Variants in SPAM1 observed in about 807,000 individuals in gnomAD.
The protein encoded by SPAM1 is hyaluronidase PH-20.
A neutral mutation model predicts 29.6 loss-of-function variants in SPAM1; 22 were observed. That is an observed-to-expected ratio of 0.74 (90% CI 0.53 to 1.06). The LOEUF (loss-of-function observed/expected upper bound fraction) is 1.06, where lower values mean the gene tolerates loss of function less well. SPAM1 is among the 50% of genes least tolerant of loss of function. The probability of loss-of-function intolerance (pLI) is 0.00; values close to 1 mark genes in which losing one functional copy is unlikely to be tolerated. For missense variants in SPAM1, 534 were observed against 604.0 expected, an observed-to-expected ratio of 0.88 and a Z score of 1.21; for synonymous variants, 194 against 204.6, an observed-to-expected ratio of 0.95 and a Z score of 0.44.
chr7:123,945,791 C>T (rs1282797184), intron 1 of SPAM1, among the ~76,000 whole-genome samples: 1 of 151,946 alleles, frequency 6.6e-6, no homozygotes, highest in Non-Finnish European at 1.5e-5. Flanking sequence ...ACACAGAAAC[C>T]AAGCCCCTGT....
chr7:123,956,174 T>G (rs919606355), intron 4 of SPAM1, among the ~76,000 whole-genome samples: 1 of 152,016 alleles, frequency 6.6e-6, no homozygotes, highest in Admixed American at 6.6e-5. Flanking sequence ...TCTACTACTA[T>G]GTCTCTCAAA....
rs76376107 is a variant in SPAM1 at position 123,925,789 on chromosome 7, A to G, written c.-319+437A>G. 66 of 151,904 alleles carry G rather than the reference A, an allele frequency of 4.3e-4. 2 individuals carry two copies. The East Asian group carries it at 0.012, about 29-fold the overall frequency. 9.4% of individuals were successfully genotyped at this position (151,904 alleles called of 1,614,324 possible). A position where few individuals can be genotyped will look rare whatever the true frequency, so the allele number is the denominator to read the frequency against. On this transcript the variant is annotated intron_variant, in intron 1 of 4. Transcript: ENST00000682466. ...AGGGATTGGTTAATAAGACCTGTGT[A>G]TAGGTGGTCTGCTACTGTGTTGCGA...
At chr7:123,934,527 G>A (rs1808193028) in intron 1 of SPAM1, among the ~76,000 whole-genome samples, 1 of 152,124 alleles carries the variant, frequency 6.6e-6, no homozygotes. Context: ...GTGTTAAAGA[G>A]ATATCTGCAC....
intron 1 of SPAM1, among the ~76,000 whole-genome samples, chr7:123,943,906 C>A (rs1808498865): frequency 6.6e-6 from 1 of 152,058 alleles, no homozygotes; most frequent in Non-Finnish European, 1.5e-5. Flanking sequence ...TCTCTCAAAT[C>A]TTATAAACTG....
chr7:123,939,695 T>G (rs1471160478), intron 1 of SPAM1, among the ~76,000 whole-genome samples: 1 of 152,222 alleles, frequency 6.6e-6, no homozygotes. Flanking sequence ...GCATTATTTT[T>G]GTCTAAGTTT....
chr7:123,962,852 A>G (rs548496690), downstream of SPAM1, among the ~76,000 whole-genome samples: 27 of 151,986 alleles, frequency 1.8e-4, no homozygotes, highest in East Asian at 4.9e-3. Flanking sequence ...ATGTGTGTGT[A>G]TATATACACA....
chr7:123,964,026 C>G (rs1473003433), downstream of SPAM1, among the ~76,000 whole-genome samples: 1 of 149,372 alleles, frequency 6.7e-6, no homozygotes, highest in Admixed American at 6.6e-5. Flanking sequence ...ATAAAATTGA[C>G]TTAATATTTT....
At chr7:123,950,939 G>A (rs6980098) in intron 2 of SPAM1, among the ~76,000 whole-genome samples, 91,201 of 151,862 alleles carry the variant, frequency 0.6, 28,084 homozygotes, top group African/African-American at 0.73. Context: ...TGACTTTTTA[G>A]TAATAGCCAT....
chr7:123,953,521 C>G lies in SPAM1; in HGVS notation c.-50C>G. On this transcript the variant is annotated 5_prime_UTR_variant, in exon 3 of 5. Transcript: ENST00000682466. ...TACTTTGCATCAGATATTGGGTAAACCAAAGTGTGTAGGAAGAAATAAATG... is the reference window on the plus strand; with the variant it reads ...TACTTTGCATCAGATATTGGGTAAAGCAAAGTGTGTAGGAAGAAATAAATG... 1 of 1,271,988 alleles carries G rather than the reference C, an allele frequency of 7.9e-7. No individual in the cohort carries two copies. The highest frequency in any genetic ancestry group is 1.1e-6 in the Non-Finnish European group (1 of 918,392). The allele number at this position is 1,271,988 out of a possible 1,614,324, so 78.8% of individuals were successfully genotyped here.
downstream of SPAM1, among the ~76,000 whole-genome samples, chr7:123,961,836 G>A (rs2117074960): frequency 6.6e-6 from 1 of 152,092 alleles, no homozygotes; most frequent in Non-Finnish European, 1.5e-5. Context: ...AAAGGCGAAA[G>A]CCACTTCTTA....
intron 2 of SPAM1, among the ~76,000 whole-genome samples, chr7:123,951,343 TAGTC>T (rs766229845): frequency 6.6e-6 from 1 of 152,032 alleles, no homozygotes; most frequent in South Asian, 2.1e-4. Context: ...TCTAATAACT[TAGTC>T]TGTCTAGGCA....
intron 5 of SPAM1, among the ~76,000 whole-genome samples, chr7:123,965,902 A>G (rs1792418506): frequency 6.6e-6 from 1 of 151,960 alleles, no homozygotes; most frequent in Admixed American, 6.6e-5. Context: ...CGATATGGCC[A>G]TTTTAACAAT....
intron 4 of SPAM1, among the ~76,000 whole-genome samples, chr7:123,958,933 C>T (rs1434353470): frequency 6.6e-6 from 1 of 151,838 alleles, no homozygotes; most frequent in Admixed American, 6.6e-5. Context: ...GTGTTAAGCA[C>T]ATTTATATGT....
chr7:123,938,272 A>C (rs1296901061), intron 1 of SPAM1, among the ~76,000 whole-genome samples: 1 of 152,058 alleles, frequency 6.6e-6, no homozygotes, highest in African/African-American at 2.4e-5. Flanking sequence ...CTGGCTGTAG[A>C]AAATGTGTAT....
rs139557990 is a variant in SPAM1, at chr7:123,959,701, C to G, written c.1262C>G (p.Pro421Arg). The change falls in exon 5 of 5, where the codon CCG (proline) becomes CGG (arginine). Residue 421 changes from proline (P) to arginine (R), a missense_variant. Coordinates refer to ENST00000682466, the MANE Select transcript of SPAM1 (RefSeq NM_153189.3). ...KGGKFTVRGK[P>R]TLEDLEQFSE... Reference sequence around the variant, plus strand: ...GGAAAGTTCACAGTACGTGGAAAACCGACACTTGAAGACCTGGAGCAATTT... The same window carrying G: ...GGAAAGTTCACAGTACGTGGAAAACGGACACTTGAAGACCTGGAGCAATTT... The G allele has an allele frequency of 6.2e-7, 1 of 1,613,182 alleles. No homozygotes were observed. The highest frequency in any genetic ancestry group is 8.5e-7 in the Non-Finnish European group (1 of 1,179,550).
chr7:123,959,648 T>A lies in SPAM1; in HGVS notation c.1209T>A (p.Asp403Glu), dbSNP rs1455202332. 1 of 1,613,196 alleles carries A rather than the reference T, an allele frequency of 6.2e-7. No homozygotes were observed. The highest frequency in any genetic ancestry group is 1.3e-5 in the African/African-American group (1 of 74,858). Residue 403 changes from aspartate (D) to glutamate (E), a missense_variant, in exon 5 of 5, where the codon GAT becomes GAA. By Grantham distance (45) the Asp-to-Glu change is conservative. Coordinates refer to ENST00000682466, the MANE Select transcript of SPAM1 (RefSeq NM_153189.3). ...NSSDYLHLNP[D>E]NFAIQLEKGG... ...GTGACTATCTTCACCTCAACCCAGATAATTTTGCTATTCAACTTGAGAAAG... is the reference window on the plus strand; with the variant it reads ...GTGACTATCTTCACCTCAACCCAGAAAATTTTGCTATTCAACTTGAGAAAG...
At chr7:123,940,264 T>C (rs1808390162) in intron 1 of SPAM1, among the ~76,000 whole-genome samples, 1 of 152,076 alleles carries the variant, frequency 6.6e-6, no homozygotes. Flanking sequence ...CATGCATCAA[T>C]TGGGTACCAA....
intron 1 of SPAM1, among the ~76,000 whole-genome samples, chr7:123,938,051 A>G (rs1015021405): frequency 6.6e-6 from 1 of 151,872 alleles, no homozygotes; most frequent in African/African-American, 2.4e-5. Context: ...TTGATTGCCT[A>G]AGACTTTAGT....
At position 123,925,275 on chromosome 7, in the gene SPAM1, AT is replaced by A. The variant is rs1807842693; in HGVS notation, c.-395del. ...GAGAGTGATGACTGGCTCCACCTTGATGTGGCTCACATAAATTCAGAAAGTA... is the reference window on the plus strand; with the variant it reads ...GAGAGTGATGACTGGCTCCACCTTGAGTGGCTCACATAAATTCAGAAAGTA... On this transcript the variant is annotated 5_prime_UTR_variant, in exon 1 of 5. An upstream start codon of the reference 5' UTR is lost. Transcript: ENST00000682466. The A allele has an allele frequency of 1.3e-5, 2 of 152,236 alleles. No homozygotes were observed. The highest frequency in any genetic ancestry group is 4.1e-4 in the South Asian group (2 of 4,826). The allele number at this position is 152,236 out of a possible 1,614,324, so 9.4% of individuals were successfully genotyped here. A position where few individuals can be genotyped will look rare whatever the true frequency, so the allele number is the denominator to read the frequency against.
Sources: allele counts gnomAD v4.1 joint callset (sites outside exome capture counted in the v4.1 genomes callset), GRCh38; gene constraint gnomAD v4.1.1; transcripts MANE v1.5; gene names NCBI Gene and HGNC (gene_info 2026-07-23, HGNC 2026-07-21).